ANXA8: variants seen among roughly 807,000 people sequenced by gnomAD.
ANXA8 encodes the protein VAC-beta.
In ANXA8, 9 loss-of-function variants were observed where a neutral mutation model predicts 26.8. That is an observed-to-expected ratio of 0.34 (90% CI 0.20 to 0.59). The LOEUF (loss-of-function observed/expected upper bound fraction) is 0.59, where lower values mean the gene tolerates loss of function less well. ANXA8 is among the 20% of genes least tolerant of loss of function. The pLI, the probability that ANXA8 is intolerant of heterozygous loss-of-function variation, is 0.84. For synonymous variants in ANXA8, 39 were observed against 94.8 expected (o/e 0.41, Z 3.42); for missense variants, 83 against 238.5 (o/e 0.35, Z 4.29).
the ANXA8 span, among the ~76,000 whole-genome samples, chr10:47,683,446 C>T: frequency 0.039 from 5,224 of 133,766 alleles, 28 homozygotes; most frequent in Middle Eastern, 0.1. Context: ...GCCAGGATGG[C>T]CTCGATCTCC....
the ANXA8 span, among the ~76,000 whole-genome samples, chr10:47,648,175 C>A: frequency 6.6e-6 from 1 of 151,170 alleles, no homozygotes; most frequent in South Asian, 2.1e-4. Flanking sequence ...GGACGGCAAA[C>A]AAACAGGAAA....
the ANXA8 span, among the ~76,000 whole-genome samples, chr10:47,673,298 A>C: frequency 6.6e-6 from 1 of 151,574 alleles, no homozygotes; most frequent in Admixed American, 6.6e-5. Flanking sequence ...AACCACCCTT[A>C]GAAGGCAGGA....
At chr10:47,659,436 T>C in the ANXA8 span, among the ~76,000 whole-genome samples, 1 of 151,634 alleles carries the variant, frequency 6.6e-6, no homozygotes, top group African/African-American at 2.4e-5. Context: ...TCCCAGCGCT[T>C]TGGGAGGCCG....
the ANXA8 span, among the ~76,000 whole-genome samples, chr10:47,749,715 C>T: frequency 1.3e-5 from 2 of 150,014 alleles, no homozygotes; most frequent in Admixed American, 6.6e-5. Flanking sequence ...AAGAAAGCAA[C>T]AGAAAAGAAA....
chr10:47,779,224 T>C, the ANXA8 span, among the ~76,000 whole-genome samples: 1 of 112,284 alleles, frequency 8.9e-6, no homozygotes, highest in Admixed American at 1.0e-4. Context: ...TTCTGGGTCA[T>C]GTAGGACTCT....
chr10:47,919,921 GGT>G, the ANXA8 span, among the ~76,000 whole-genome samples: 1 of 3,498 alleles, frequency 2.9e-4, no homozygotes. Context: ...TGGGATGAAT[GGT>G]GTTTCTCCAC....
At chr10:47,609,090 GA>G in the ANXA8 span, among the ~76,000 whole-genome samples, 1 of 126,036 alleles carries the variant, frequency 7.9e-6, no homozygotes, top group Non-Finnish European at 1.6e-5. Flanking sequence ...ATAATTGTAG[GA>G]AAAAATGTAA....
chr10:47,755,097 C>T, the ANXA8 span, among the ~76,000 whole-genome samples: 2 of 150,346 alleles, frequency 1.3e-5, no homozygotes, highest in East Asian at 2.0e-4. Context: ...GTTGGGCCTA[C>T]AGGCGTGCAC....
chr10:47,982,318 C>G, the ANXA8 span, among the ~76,000 whole-genome samples: 16 of 151,086 alleles, frequency 1.1e-4, no homozygotes, highest in South Asian at 2.1e-4. Context: ...AACAACCCCC[C>G]CAAACCCCAA....
the ANXA8 span, among the ~76,000 whole-genome samples, chr10:47,677,002 A>C: frequency 6.4e-5 from 9 of 141,064 alleles, no homozygotes; most frequent in African/African-American, 2.0e-4. Context: ...AGAAAAAAAA[A>C]AAAAACAACC....
the ANXA8 span, among the ~76,000 whole-genome samples, chr10:47,940,822 C>A: frequency 7.4e-6 from 1 of 135,406 alleles, no homozygotes; most frequent in Non-Finnish European, 1.5e-5. Flanking sequence ...AGTGAGATTC[C>A]ATCTCAAAAA....
At chr10:47,624,239 T>C in the ANXA8 span, among the ~76,000 whole-genome samples, 5 of 40,484 alleles carry the variant, frequency 1.2e-4, 1 homozygote, top group Non-Finnish European at 1.9e-4. Context: ...TGAGACTCCA[T>C]CTCAAAAAAA....
At chr10:47,647,605 G>A in the ANXA8 span, among the ~76,000 whole-genome samples, 1 of 149,176 alleles carries the variant, frequency 6.7e-6, no homozygotes, top group Non-Finnish European at 1.5e-5. Context: ...ACAGGACAAT[G>A]GATATCAGAA....
At chr10:47,562,815 G>A in the ANXA8 span, among the ~76,000 whole-genome samples, 1 of 150,172 alleles carries the variant, frequency 6.7e-6, no homozygotes, top group Non-Finnish European at 1.5e-5. Flanking sequence ...TTGGCAGTGG[G>A]TGAGGAGAAT....
chr10:47,589,947 A>G, the ANXA8 span, among the ~76,000 whole-genome samples: 1 of 144,642 alleles, frequency 6.9e-6, no homozygotes, highest in East Asian at 1.9e-4. Flanking sequence ...ATAGATAGAT[A>G]GTTGCTGCCT....
the ANXA8 span, among the ~76,000 whole-genome samples, chr10:47,990,890 C>T: frequency 1.3e-5 from 2 of 149,688 alleles, no homozygotes; most frequent in African/African-American, 4.9e-5. Context: ...CAACCATAGA[C>T]AGAAAGCTCC....
the ANXA8 span, among the ~76,000 whole-genome samples, chr10:47,694,542 T>C: frequency 6.7e-6 from 1 of 149,458 alleles, no homozygotes; most frequent in Non-Finnish European, 1.5e-5. Context: ...TGCCTCGGCC[T>C]CCCAAGTAGC....
chr10:47,955,908 T>C, the ANXA8 span: 1 of 132,344 alleles, frequency 7.6e-6, no homozygotes. Context: ...ACACGTTGTA[T>C]AACTGTACAA....
At chr10:47,575,302 C>A in the ANXA8 span, among the ~76,000 whole-genome samples, 1 of 93,596 alleles carries the variant, frequency 1.1e-5, no homozygotes, top group Non-Finnish European at 2.4e-5. Flanking sequence ...GGATATTGTA[C>A]AAAAGATTGT....
Sources: allele counts gnomAD v4.1 joint callset (sites outside exome capture counted in the v4.1 genomes callset), GRCh38; gene constraint gnomAD v4.1.1; transcripts MANE v1.5; gene names NCBI Gene and HGNC (gene_info 2026-07-23, HGNC 2026-07-21).